Variants in CRIM1 observed in about 807,000 individuals in gnomAD.
CRIM1 encodes cysteine rich transmembrane BMP regulator 1.
CRIM1 carries 32 observed loss-of-function variants against 116.4 expected under a neutral mutation model. The ratio of observed to expected loss-of-function variants is 0.27; its 90% CI spans 0.21 to 0.37. The LOEUF is 0.37. Among genes scored for constraint, CRIM1 ranks in the 10% least tolerant of loss-of-function variants. The probability of loss-of-function intolerance (pLI) is 1.00; values close to 1 mark genes in which losing one functional copy is unlikely to be tolerated. For missense variants in CRIM1, 1,331 were observed against 1,354.8 expected (o/e 0.98, Z 0.28); for synonymous variants, 590 against 509.2 (o/e 1.16, Z -2.13).
intron 13 of CRIM1, among the ~76,000 whole-genome samples, chr2:36,526,562 TAGC>T (rs139343108): frequency 0.029 from 4,421 of 152,190 alleles, 64 homozygotes; most frequent in African/African-American, 0.052. Context: ...AGAAGTAAAT[TAGC>T]AGCCCTCATA....
chr2:36,474,846 T>TAAAAAAAAAAAAAA (rs1491569018), intron 5 of CRIM1, among the ~76,000 whole-genome samples: 1 of 17,316 alleles, frequency 5.8e-5, no homozygotes, highest in Non-Finnish European at 8.8e-5. Context: ...AGACTCTATA[T>TAAAAAAAAAAAAAA]CAAAAAAAAA....
chr2:36,537,678 CT>C, intron 14 of CRIM1, 132 bp downstream of exon 14: 1 of 1,012,496 alleles, frequency 9.9e-7, no homozygotes, highest in South Asian at 1.7e-5. Flanking sequence ...CAGTTAGCGC[CT>C]CCACCCAAAG....
At chr2:36,409,430 G>A (rs1424739965) in intron 2 of CRIM1, among the ~76,000 whole-genome samples, 1 of 152,152 alleles carries the variant, frequency 6.6e-6, no homozygotes, top group Non-Finnish European at 1.5e-5. Context: ...CCAGAAAGAA[G>A]GAGCAAGGAT....
chr2:36,453,163 T>C (rs552083942), intron 4 of CRIM1, among the ~76,000 whole-genome samples: 2 of 152,262 alleles, frequency 1.3e-5, no homozygotes, highest in South Asian at 2.1e-4. Flanking sequence ...ATCATTGTAG[T>C]TGCAACAGTT....
intron 8 of CRIM1, among the ~76,000 whole-genome samples, chr2:36,503,461 T>A (rs1681147760): frequency 6.6e-6 from 1 of 152,240 alleles, no homozygotes; most frequent in African/African-American, 2.4e-5. Context: ...TTGCTTACTC[T>A]GCACTGTAAC....
At chr2:36,461,610 G>A (rs1249088170) in intron 4 of CRIM1, among the ~76,000 whole-genome samples, 1 of 152,182 alleles carries the variant, frequency 6.6e-6, no homozygotes, top group Non-Finnish European at 1.5e-5. Flanking sequence ...CCTGCAGTGT[G>A]TGTTAACCAG....
At chr2:36,422,259 TA>T (rs997728982) in intron 2 of CRIM1, among the ~76,000 whole-genome samples, 1 of 151,906 alleles carries the variant, frequency 6.6e-6, no homozygotes, top group African/African-American at 2.4e-5. Flanking sequence ...GTTCTTTAAT[TA>T]AAAAAAATCT....
At chr2:36,547,793 T>C (rs1667457511) in intron 16 of CRIM1, among the ~76,000 whole-genome samples, 1 of 152,154 alleles carries the variant, frequency 6.6e-6, no homozygotes, top group South Asian at 2.1e-4. Flanking sequence ...ATCTGCCTAT[T>C]TTGAAAGACA....
chr2:36,484,570 G>A (rs1193305759), intron 7 of CRIM1, among the ~76,000 whole-genome samples: 1 of 152,190 alleles, frequency 6.6e-6, no homozygotes, highest in African/African-American at 2.4e-5. Context: ...TGTGACACCT[G>A]ATGCAAGAGA....
chr2:36,400,631 G>A (rs992608428), intron 2 of CRIM1, among the ~76,000 whole-genome samples: 4 of 152,186 alleles, frequency 2.6e-5, no homozygotes, highest in Admixed American at 2.6e-4. Context: ...GGGAGATAAA[G>A]CCATTCCCAT....
chr2:36,417,600 T>C (rs1673718607), intron 2 of CRIM1, among the ~76,000 whole-genome samples: 1 of 152,206 alleles, frequency 6.6e-6, no homozygotes, highest in African/African-American at 2.4e-5. Flanking sequence ...GCTAAAGACC[T>C]ATCTCCACTG....
rs370974575 is a variant in CRIM1 at position 36,476,948 on chromosome 2, A to T, written c.1051A>T (p.Met351Leu). 8.7e-6 allele frequency: 14 copies of T among 1,614,114 alleles called. No homozygotes were observed. The highest frequency in any genetic ancestry group is 3.3e-4 in the Middle Eastern group (2 of 6,062). ...ATATTATGATGGAGACATGTTTCGA[A>T]TGGACAACTGTCGGTTCTGTCGATG... ...VEYYDGDMFR[M>L]DNCRFCRCQG... The change falls in exon 6 of 17, where the codon ATG becomes TTG. Residue 351 changes from methionine (M) to leucine (L), a missense_variant. Transcript: ENST00000280527.
intron 4 of CRIM1, among the ~76,000 whole-genome samples, chr2:36,444,831 C>T (rs1458842515): frequency 6.6e-6 from 1 of 152,228 alleles, no homozygotes; most frequent in East Asian, 1.9e-4. Context: ...CTCCCTTCTG[C>T]ATACATATAG....
chr2:36,423,850 C>G (rs569271940), intron 2 of CRIM1, among the ~76,000 whole-genome samples: 128 of 152,274 alleles, frequency 8.4e-4, no homozygotes, highest in Middle Eastern at 3.4e-3. Flanking sequence ...TAATACCTCT[C>G]AACAAGTAAG....
chr2:36,375,179 A>G (rs528039213), intron 1 of CRIM1, among the ~76,000 whole-genome samples: 1 of 151,854 alleles, frequency 6.6e-6, no homozygotes, highest in African/African-American at 2.4e-5. Context: ...GATGTAAAGC[A>G]GTTTTCCACT....
intron 13 of CRIM1, chr2:36,531,696 A>G: frequency 3.2e-6 from 1 of 308,730 alleles, no homozygotes; most frequent in Non-Finnish European, 6.4e-6. Flanking sequence ...CCGGAAAGGA[A>G]TTAACATTTC....
At chr2:36,501,692 A>T (rs1572879821) in intron 8 of CRIM1, among the ~76,000 whole-genome samples, 1 of 152,186 alleles carries the variant, frequency 6.6e-6, no homozygotes, top group African/African-American at 2.4e-5. Flanking sequence ...ACTGCACTCC[A>T]GCCTGGGTGA....
chr2:36,479,627 G>A lies in CRIM1; in HGVS notation c.1305G>A (p.Ala435=), dbSNP rs147700058. The A allele has an allele frequency of 9.8e-4, 1,577 of 1,614,208 alleles. 11 individuals carry two copies. The East Asian group carries it at 0.022, about 23-fold the overall frequency. The change falls in exon 7 of 17, where the codon GCG becomes GCA. Residue 435 remains alanine, a synonymous_variant. Coordinates refer to ENST00000280527, the MANE Select transcript of CRIM1 (RefSeq NM_016441.3). ...QCVNGERHCV[A]TVCGQTCTNP... Reference sequence around the variant, plus strand: ...TCAACGGTGAACGCCACTGCGTTGCGACCGTCTGCGGACAGACCTGCACAA... The same window carrying A: ...TCAACGGTGAACGCCACTGCGTTGCAACCGTCTGCGGACAGACCTGCACAA...
In CRIM1 at chr2:36,479,505, T is replaced by A. The variant is rs766800438; in HGVS notation, c.1183T>A (p.Tyr395Asn). The A allele has an allele frequency of 4.5e-5, 72 of 1,614,066 alleles. No individual in the cohort carries two copies. The highest frequency in any genetic ancestry group is 5.8e-5 in the Non-Finnish European group (68 of 1,180,012). ...ECCPVCEDPV[Y>N]PFNNPAGCYA... ...CTCATGTTCTCATTTAGATCCAGTG[T>A]ATCCTTTTAATAATCCCGCTGGCTG... is the stretch of plus-strand genomic sequence containing the variant. The change falls in exon 7 of 17, where the codon TAT (tyrosine) becomes AAT (asparagine). Residue 395 changes from tyrosine (Y) to asparagine (N), a missense_variant. Physicochemically the swap from Tyr to Asn is moderately radical, Grantham distance 143. Around this residue, in one of 3 missense-constraint regions of CRIM1, gnomAD observed 690 missense variants for 676.0 expected, o/e 1.02. Transcript: ENST00000280527.
Sources: allele counts gnomAD v4.1 joint callset (sites outside exome capture counted in the v4.1 genomes callset), GRCh38; gene constraint gnomAD v4.1.1; regional missense constraint gnomAD v4.1.1; transcripts MANE v1.5; gene names NCBI Gene and HGNC (gene_info 2026-07-23, HGNC 2026-07-21).